The following PTPRB variants were observed in gnomAD, a reference collection of about 807,000 sequenced individuals.
PTPRB encodes protein tyrosine phosphatase receptor type B.
In PTPRB, 97 loss-of-function variants were observed where a neutral mutation model predicts 238.1. The observed-to-expected ratio is 0.41, with a 90% CI of 0.35 to 0.48. PTPRB has a LOEUF of 0.48. Among genes scored for constraint, PTPRB ranks in the 20% least tolerant of loss-of-function variants. PTPRB has a pLI of 0.30. For synonymous variants in PTPRB, 970 were observed against 995.4 expected (o/e 0.97, Z 0.48); for missense variants, 2,292 against 2,681.9 (o/e 0.85, Z 3.21).
intron 31 of PTPRB, among the ~76,000 whole-genome samples, chr12:70,532,825 G>A (rs548040594): frequency 6.6e-6 from 1 of 152,100 alleles, no homozygotes; most frequent in East Asian, 1.9e-4. Flanking sequence ...AAAAAGACTT[G>A]TAGAGATAAG....
chr12:70,635,547 A>T, intron 2 of PTPRB, 124 bp downstream of exon 2: 2 of 1,213,480 alleles, frequency 1.6e-6, no homozygotes, highest in Non-Finnish European at 2.2e-6. Flanking sequence ...AATCTTCCAT[A>T]GGAAATATGT....
At chr12:70,561,929 C>T (rs1592479733) in intron 16 of PTPRB, among the ~76,000 whole-genome samples, 1 of 152,294 alleles carries the variant, frequency 6.6e-6, no homozygotes, top group East Asian at 1.9e-4. Flanking sequence ...GGGCCATGTG[C>T]CTGGCACAGA....
At chr12:70,540,750 C>A in intron 23 of PTPRB, 108 bp downstream of exon 23, 1 of 820,732 alleles carries the variant, frequency 1.2e-6, no homozygotes, top group South Asian at 1.8e-5. Context: ...GACAATTTAA[C>A]CTGGAAAAAT....
At chr12:70,589,851 A>G (rs1419093868) in intron 8 of PTPRB, 113 bp downstream of exon 8, 1 of 1,084,028 alleles carries the variant, frequency 9.2e-7, no homozygotes, top group African/African-American at 1.6e-5. Context: ...TTAATATCTC[A>G]AATTCAGAAA....
intron 6 of PTPRB, among the ~76,000 whole-genome samples, chr12:70,593,795 A>G (rs979289936): frequency 4.3e-4 from 66 of 152,268 alleles, no homozygotes; most frequent in African/African-American, 1.6e-3. Context: ...ATAACTTACC[A>G]AGAGAGGAGA....
Position 70,524,514 on chromosome 12 carries a change from G to A in PTPRB, c.6582C>T (p.Pro2194=). 6.2e-7 allele frequency: 1 copy of A among 1,613,562 alleles called. No individual in the cohort carries two copies. Among genetic ancestry groups the A allele is most frequent in the South Asian group, 1.1e-5 (1 of 91,048 alleles). ...TCACATTTTCATAGATTGGAAACAA[G>A]GGGTTTTCTTGTTCACTCCGTAGCT... ...ARKLRSEQEN[P]LFPIYENVNP... The change falls in exon 33 of 34, where the codon CCC becomes CCT. Residue 2194 remains proline (P), a synonymous_variant. Coordinates refer to ENST00000334414, the MANE Select transcript of PTPRB (RefSeq NM_001109754.4).
chr12:70,587,359 G>A (rs748778651), intron 8 of PTPRB, 92 bp from the exon 9 acceptor site: 47 of 1,376,182 alleles, frequency 3.4e-5, no homozygotes, highest in African/African-American at 5.8e-5. Flanking sequence ...ATCCTTAAGC[G>A]TGTTTCAGTT....
chr12:70,587,961 C>T (rs567305840), intron 8 of PTPRB, among the ~76,000 whole-genome samples: 40 of 151,122 alleles, frequency 2.6e-4, no homozygotes, highest in African/African-American at 8.7e-4. Flanking sequence ...ATTAGCCGGG[C>T]GTGGTGGCTC....
At chr12:70,582,915 G>A (rs1881532870) in intron 9 of PTPRB, among the ~76,000 whole-genome samples, 1 of 151,988 alleles carries the variant, frequency 6.6e-6, no homozygotes, top group African/African-American at 2.4e-5. Context: ...AAGATAAATG[G>A]GTGACAAATA....
At chr12:70,623,909 G>A (rs927263043) in intron 2 of PTPRB, among the ~76,000 whole-genome samples, 11 of 151,980 alleles carry the variant, frequency 7.2e-5, no homozygotes, top group Admixed American at 4.6e-4. Flanking sequence ...AGTGCATTTC[G>A]TATGATAATG....
intron 3 of PTPRB, among the ~76,000 whole-genome samples, chr12:70,619,304 G>GATA (rs1555239529): frequency 1.3e-5 from 1 of 76,510 alleles, no homozygotes; most frequent in East Asian, 4.5e-4. Flanking sequence ...TGGTGATGAT[G>GATA]ATGATGATGA....
At chr12:70,628,092 CTT>C (rs1566024468) in intron 2 of PTPRB, among the ~76,000 whole-genome samples, 1 of 152,110 alleles carries the variant, frequency 6.6e-6, no homozygotes, top group Non-Finnish European at 1.5e-5. Context: ...AGCAAAATCT[CTT>C]TTAGGGATTT....
chr12:70,605,087 T>C (rs1416203868), intron 4 of PTPRB, among the ~76,000 whole-genome samples: 1 of 152,206 alleles, frequency 6.6e-6, no homozygotes, highest in Non-Finnish European at 1.5e-5. Context: ...CATATTAAAA[T>C]AATTAAAATC....
intron 3 of PTPRB, among the ~76,000 whole-genome samples, chr12:70,610,497 G>C (rs1884381508): frequency 6.7e-6 from 1 of 149,572 alleles, no homozygotes; most frequent in Non-Finnish European, 1.5e-5. Flanking sequence ...GATTAAACTT[G>C]ACCGCAGCAT....
At chr12:70,595,442 G>A (rs909498064) in intron 5 of PTPRB, among the ~76,000 whole-genome samples, 2 of 152,008 alleles carry the variant, frequency 1.3e-5, no homozygotes, top group African/African-American at 4.8e-5. Flanking sequence ...AGAACTTAAA[G>A]TATAAATATC....
Position 70,536,026 on chromosome 12 carries a change from C to T in PTPRB, c.6080G>A (p.Arg2027Gln), listed in dbSNP as rs201163672. ...ATGCCAGGAAGGCTGTTTACTCACT[C>T]GGCCCTTCTCAACACACTGGGTCAC... Reference protein sequence around the residue: ...VMVTQCVEKGRVKCDHYWPAD... With the variant: ...VMVTQCVEKGQVKCDHYWPAD... The change falls in exon 29 of 34, where the codon CGA becomes CAA. Residue 2027 changes from arginine (R) to glutamine (Q), a missense_variant and splice_region_variant. Arg to Gln is a conservative substitution (Grantham distance 43). This residue lies in a region of PTPRB where 397 missense variants were observed against 502.0 expected (regional missense o/e 0.79). Transcript: ENST00000334414. The T allele has an allele frequency of 3.7e-6, 6 of 1,612,794 alleles. No homozygotes were observed. The highest frequency in any genetic ancestry group is 2.2e-5 in the South Asian group (2 of 91,014).
chr12:70,581,949 A>G (rs1376649713), intron 9 of PTPRB, among the ~76,000 whole-genome samples: 1 of 152,148 alleles, frequency 6.6e-6, no homozygotes, highest in Non-Finnish European at 1.5e-5. Context: ...TGACTTTATT[A>G]TTCCATTTAT....
At chr12:70,593,717 C>T (rs1202087949) in intron 6 of PTPRB, among the ~76,000 whole-genome samples, 1 of 152,008 alleles carries the variant, frequency 6.6e-6, no homozygotes, top group East Asian at 1.9e-4. Context: ...TCTTTCCCAC[C>T]AGCCTCCCAT....
At chr12:70,609,652 G>T in intron 3 of PTPRB, 1 of 1,177,284 alleles carries the variant, frequency 8.5e-7, no homozygotes, top group Non-Finnish European at 1.2e-6. Flanking sequence ...AAGAAATTTT[G>T]CCACCTCCCT....
Sources: gnomAD v4.1 joint callset for allele counts (sites outside exome capture counted in the v4.1 genomes callset) on GRCh38, gnomAD v4.1.1 for gene constraint, gnomAD v4.1.1 regional missense constraint, MANE v1.5 for transcripts, NCBI Gene and HGNC (gene_info 2026-07-23, HGNC 2026-07-21) for gene names.